IVD: variants seen among roughly 807,000 people sequenced by gnomAD.
IVD encodes isovaleryl-CoA dehydrogenase.
A neutral mutation model predicts 51.3 loss-of-function variants in IVD; 31 were observed. That is an observed-to-expected ratio of 0.60 (90% CI 0.45 to 0.81). IVD has a LOEUF of 0.81. Ranked by LOEUF, IVD falls within the 40% of genes least tolerant of loss-of-function variation. IVD has a pLI of 0.00. For missense variants in IVD, 475 were observed against 552.0 expected (o/e 0.86, Z 1.40); for synonymous variants, 205 against 219.4 (o/e 0.93, Z 0.58).
chr15:40,411,754 C>A, intron 6 of IVD, 63 bp downstream of exon 6: 2 of 1,564,558 alleles, frequency 1.3e-6, no homozygotes, highest in Non-Finnish European at 1.8e-6. Context: ...CCAGAGATAG[C>A]CCGTTCACTG....
chr15:40,435,521 C>A lies in IVD; in HGVS notation c.886C>A (p.Leu296Ile), dbSNP rs182842092. ...TGCGAGGGAACTGAGATGCAAGATC[C>A]TCCTGCCTGAACTCACACCCCGCGT... is the stretch of plus-strand genomic sequence containing the variant. Residue 296 changes from leucine (L) to isoleucine (I), a missense_variant, in exon 9 of 9, where the codon CTC becomes ATC. Coordinates refer to the IVD transcript ENST00000473112. 2.5e-4 allele frequency: 308 copies of A among 1,243,772 alleles called. 1 individual carries two copies. In the East Asian group the frequency reaches 0.016, roughly 65 times the overall value. The allele number at this position is 1,243,772 out of a possible 1,614,324, so 77.0% of individuals were successfully genotyped here.
At chr15:40,408,080 G>A (rs1458211495) in intron 3 of IVD, 90 bp downstream of exon 3, 9 of 1,298,818 alleles carry the variant, frequency 6.9e-6, no homozygotes, top group Non-Finnish European at 1.0e-5. Flanking sequence ...GGGAAAGATT[G>A]TGCTTAAAGA....
At chr15:40,417,091 C>T (rs1891772624) in intron 11 of IVD, among the ~76,000 whole-genome samples, 1 of 150,996 alleles carries the variant, frequency 6.6e-6, no homozygotes, top group African/African-American at 2.4e-5. Flanking sequence ...GTAATCCCAG[C>T]TATTTGGAAG....
chr15:40,411,982 T>C (rs1244611939), intron 6 of IVD, among the ~76,000 whole-genome samples: 4 of 152,010 alleles, frequency 2.6e-5, no homozygotes, highest in Admixed American at 2.6e-4. Context: ...CAGGGTACCA[T>C]TGGTGGATCT....
At chr15:40,412,521 C>G (rs919985539) in intron 6 of IVD, 1 of 211,954 alleles carries the variant, frequency 4.7e-6, no homozygotes, top group Non-Finnish European at 9.6e-6. Flanking sequence ...GCAGCATGTG[C>G]CAGCACTTTG....
At chr15:40,427,883 G>T (rs969078452), downstream of IVD, among the ~76,000 whole-genome samples, 4 of 152,082 alleles carry the variant, frequency 2.6e-5, no homozygotes, top group African/African-American at 9.7e-5. Flanking sequence ...GTCCAAGGTT[G>T]CTAATTAAGA....
chr15:40,425,612 T>C (rs1892628041), downstream of IVD, among the ~76,000 whole-genome samples: 2 of 152,012 alleles, frequency 1.3e-5, no homozygotes, highest in African/African-American at 4.8e-5. Context: ...CCTCAACCTT[T>C]TGGGCTCAAG....
chr15:40,429,850 C>A (rs938419610), intron 7 of IVD, among the ~76,000 whole-genome samples: 2 of 152,172 alleles, frequency 1.3e-5, no homozygotes, highest in Non-Finnish European at 2.9e-5. Context: ...TCTGGACTGC[C>A]GAAGCCAGAA....
chr15:40,406,798 T>A (rs1221071222), intron 1 of IVD, among the ~76,000 whole-genome samples: 1 of 151,956 alleles, frequency 6.6e-6, no homozygotes, highest in Non-Finnish European at 1.5e-5. Context: ...GTGAACCACC[T>A]CAAGTGGAAA....
At chr15:40,417,158 C>T (rs553291206) in intron 11 of IVD, among the ~76,000 whole-genome samples, 69 of 146,140 alleles carry the variant, frequency 4.7e-4, no homozygotes, top group African/African-American at 1.6e-3. Flanking sequence ...GACCGGAGAT[C>T]GCGCCATTGC....
rs748314280 is a variant in IVD, at chr15:40,417,206, GA to G, written c.1138+863del. Among the ~76,000 whole-genome samples the G allele has an allele frequency of 9.9e-3, 946 of 95,162 alleles. 6 individuals carry two copies. Among genetic ancestry groups the G allele is most frequent in the African/African-American group, 0.029 (722 of 25,298 alleles). The allele number at this position is 95,162 out of a possible 152,430, so 62.4% of individuals were successfully genotyped here. A position where few individuals can be genotyped will look rare whatever the true frequency, so the allele number is the denominator to read the frequency against. Reference sequence around the variant, plus strand: ...GTGACAAGAGTGAAACTCCGTCTCGGAAAAAAAAAAAAAAAAAAAGGCCGGG... The same window carrying G: ...GTGACAAGAGTGAAACTCCGTCTCGGAAAAAAAAAAAAAAAAAAGGCCGGG... On this transcript the variant is annotated intron_variant, in intron 11 of 11. Coordinates refer to ENST00000487418, the MANE Select transcript of IVD (RefSeq NM_002225.5).
chr15:40,411,371 T>A lies in IVD; in HGVS notation c.550+18T>A, dbSNP rs372448489. On this transcript the variant is annotated intron_variant, in intron 5 of 11. Transcript: ENST00000487418. ...AAAGAAAGGTGAGGCCACTCTCAAC[T>A]TGGGAGCCAAAATGGGCAGAGGTAC... The A allele has an allele frequency of 1.9e-6, 3 of 1,613,594 alleles. No homozygotes were observed. Among genetic ancestry groups the A allele is most frequent in the Non-Finnish European group, 1.7e-6 (2 of 1,179,622 alleles).
downstream of IVD, among the ~76,000 whole-genome samples, chr15:40,422,604 T>C (rs1892406155): frequency 8.7e-6 from 1 of 115,154 alleles, no homozygotes; most frequent in Non-Finnish European, 1.8e-5. Context: ...TTTTTTTTTT[T>C]TTTTTTTTTT....
chr15:40,406,133 G>GA, intron 1 of IVD, 162 bp downstream of exon 1: 1 of 1,538,078 alleles, frequency 6.5e-7, no homozygotes, highest in South Asian at 1.2e-5. Flanking sequence ...CGGGGCCTCC[G>GA]ACCTCGGGTC....
chr15:40,422,060 C>G (rs1013540072), downstream of IVD, among the ~76,000 whole-genome samples: 1 of 152,258 alleles, frequency 6.6e-6, no homozygotes, highest in African/African-American at 2.4e-5. Context: ...GCAGCACTGG[C>G]TTGCCAGACG....
At chr15:40,414,013 G>A (rs956483786) in intron 7 of IVD, among the ~76,000 whole-genome samples, 13 of 151,902 alleles carry the variant, frequency 8.6e-5, no homozygotes, top group Non-Finnish European at 1.6e-4. Context: ...GGCACACACC[G>A]CCCAGCTAAT....
intron 8 of IVD, 90 bp from the exon 9 acceptor site, chr15:40,415,311 G>C: frequency 8.7e-7 from 1 of 1,151,314 alleles, no homozygotes; most frequent in South Asian, 1.2e-5. Flanking sequence ...TCTCCTCCCT[G>C]GGATTCTGGC....
At chr15:40,416,225 C>A in intron 10 of IVD, 43 bp downstream of exon 10, 1 of 1,611,990 alleles carries the variant, frequency 6.2e-7, no homozygotes. Context: ...GGCAGTGGAC[C>A]AGCTGCTGAG....
chr15:40,423,213 T>G (rs967689103), downstream of IVD, among the ~76,000 whole-genome samples: 1 of 152,222 alleles, frequency 6.6e-6, no homozygotes, highest in Non-Finnish European at 1.5e-5. Flanking sequence ...GTTGGGATTA[T>G]AGGCGTTGAG....
Sources: gnomAD v4.1 joint callset for allele counts (sites outside exome capture counted in the v4.1 genomes callset) on GRCh38, gnomAD v4.1.1 for gene constraint, MANE v1.5 for transcripts, NCBI Gene and HGNC (gene_info 2026-07-23, HGNC 2026-07-21) for gene names.